CCDC85A: variants seen among roughly 807,000 people sequenced by gnomAD.
CCDC85A encodes the protein coiled-coil domain-containing protein 85A.
CCDC85A carries 38 observed loss-of-function variants against 50.2 expected under a neutral mutation model. The ratio of observed to expected loss-of-function variants is 0.76; its 90% CI spans 0.58 to 0.99. The LOEUF (loss-of-function observed/expected upper bound fraction) is 0.99. Among genes scored for constraint, CCDC85A ranks in the 50% least tolerant of loss-of-function variants. CCDC85A has a pLI of 0.00. For synonymous variants in CCDC85A, 366 were observed against 301.4 expected, an observed-to-expected ratio of 1.21 and a Z score of -2.22; for missense variants, 820 against 742.0, an observed-to-expected ratio of 1.11 and a Z score of -1.22.
chr2:56,284,941 C>T (rs367876125), intron 2 of CCDC85A, among the ~76,000 whole-genome samples: 9 of 152,124 alleles, frequency 5.9e-5, no homozygotes, highest in African/African-American at 2.2e-4. Context: ...AGATTATTTG[C>T]ATGGTATATA....
chr2:56,280,622 A>G (rs1332832928), intron 2 of CCDC85A, among the ~76,000 whole-genome samples: 1 of 152,142 alleles, frequency 6.6e-6, no homozygotes, highest in Non-Finnish European at 1.5e-5. Flanking sequence ...AAGCATACCA[A>G]CTAATACGAC....
At chr2:56,295,805 C>T (rs1671922085) in intron 2 of CCDC85A, among the ~76,000 whole-genome samples, 1 of 152,138 alleles carries the variant, frequency 6.6e-6, no homozygotes, top group Admixed American at 6.6e-5. Flanking sequence ...TCCCTCCCTC[C>T]CCTATCATAA....
chr2:56,332,512 C>T (rs926444439), intron 2 of CCDC85A, among the ~76,000 whole-genome samples: 3 of 152,160 alleles, frequency 2.0e-5, no homozygotes, highest in South Asian at 2.1e-4. Flanking sequence ...CTTAAGGGCT[C>T]CGTCTCTTAA....
intron 2 of CCDC85A, among the ~76,000 whole-genome samples, chr2:56,232,309 A>G (rs1668807536): frequency 6.6e-6 from 1 of 152,104 alleles, no homozygotes; most frequent in African/African-American, 2.4e-5. Flanking sequence ...GAGACTGCTG[A>G]TATTAGAAAA....
In CCDC85A at chr2:56,370,689, G is replaced by A. The variant is rs550418922; in HGVS notation, c.1318-1655G>A. Among the ~76,000 whole-genome samples, 22 of 152,150 alleles carry A rather than the reference G, an allele frequency of 1.4e-4. No individual in the cohort carries two copies. The South Asian group carries it at 3.7e-3, about 26-fold the overall frequency. On this transcript the variant is annotated intron_variant, in intron 3 of 5. Coordinates refer to ENST00000407595, the MANE Select transcript of CCDC85A (RefSeq NM_001080433.2). ...GTTCTCTACATAGTAGCTAAATGGC[G>A]CTCATGCCAGCTGGCTTCTAAGTTG... is the stretch of plus-strand genomic sequence containing the variant.
chr2:56,296,624 G>A (rs72927178), intron 2 of CCDC85A, among the ~76,000 whole-genome samples: 3,197 of 152,178 alleles, frequency 0.021, 95 homozygotes, highest in African/African-American at 0.072. Flanking sequence ...GCTTTTGTCA[G>A]GATTCTGGCC....
chr2:56,293,107 G>T (rs1671791514), intron 2 of CCDC85A, among the ~76,000 whole-genome samples: 1 of 152,182 alleles, frequency 6.6e-6, no homozygotes, highest in African/African-American at 2.4e-5. Context: ...GTACTGGCTG[G>T]CAGCTTTGAT....
At chr2:56,242,985 G>A (rs1246829606) in intron 2 of CCDC85A, among the ~76,000 whole-genome samples, 1 of 151,890 alleles carries the variant, frequency 6.6e-6, no homozygotes, top group Non-Finnish European at 1.5e-5. Flanking sequence ...TGGATATCCA[G>A]GTTTCCCAGC....
intron 1 of CCDC85A, among the ~76,000 whole-genome samples, chr2:56,189,781 A>G (rs778270533): frequency 6.6e-6 from 1 of 152,038 alleles, no homozygotes; most frequent in African/African-American, 2.4e-5. Context: ...TGCCATCTTT[A>G]TGTCATGAAT....
intron 2 of CCDC85A, among the ~76,000 whole-genome samples, chr2:56,332,030 C>G (rs548464603): frequency 2.3e-4 from 35 of 152,314 alleles, no homozygotes; most frequent in African/African-American, 7.9e-4. Flanking sequence ...CACAGCTGTG[C>G]CTGCTCCTGC....
chr2:56,281,698 G>A (rs999508033), intron 2 of CCDC85A, among the ~76,000 whole-genome samples: 6 of 152,062 alleles, frequency 3.9e-5, no homozygotes, highest in Non-Finnish European at 7.4e-5. Context: ...GCCATTTGTG[G>A]TCTTTTTTAG....
intron 2 of CCDC85A, among the ~76,000 whole-genome samples, chr2:56,213,669 A>G (rs1352429122): frequency 6.6e-6 from 1 of 151,904 alleles, no homozygotes; most frequent in East Asian, 1.9e-4. Flanking sequence ...TTTTATTATT[A>G]TGCACTCTAG....
intron 2 of CCDC85A, among the ~76,000 whole-genome samples, chr2:56,244,883 G>A (rs892461546): frequency 5.3e-5 from 8 of 152,034 alleles, no homozygotes; most frequent in African/African-American, 1.9e-4. Context: ...GGCCTGGAAT[G>A]GGGGCCTCAC....
chr2:56,275,609 C>G (rs1226863839), intron 2 of CCDC85A, among the ~76,000 whole-genome samples: 1 of 152,166 alleles, frequency 6.6e-6, no homozygotes, highest in Non-Finnish European at 1.5e-5. Context: ...TAGGACAGAG[C>G]TTTCTACTAT....
At chr2:56,277,750 C>T (rs549863928) in intron 2 of CCDC85A, among the ~76,000 whole-genome samples, 5 of 152,356 alleles carry the variant, frequency 3.3e-5, no homozygotes, top group African/African-American at 7.2e-5. Context: ...AGCCCTTAGG[C>T]GCAGAGTCTC....
At chr2:56,213,769 T>C (rs1431796942) in intron 2 of CCDC85A, among the ~76,000 whole-genome samples, 2 of 152,018 alleles carry the variant, frequency 1.3e-5, no homozygotes, top group African/African-American at 4.8e-5. Flanking sequence ...TTTAAGTGAT[T>C]TTCTTTTCTC....
intron 2 of CCDC85A, among the ~76,000 whole-genome samples, chr2:56,312,898 T>A (rs118097467): frequency 6.6e-6 from 1 of 152,216 alleles, no homozygotes; most frequent in African/African-American, 2.4e-5. Context: ...ATATCAAGGA[T>A]AGACTTGTTA....
chr2:56,297,958 A>G (rs923325152), intron 2 of CCDC85A, among the ~76,000 whole-genome samples: 1 of 152,182 alleles, frequency 6.6e-6, no homozygotes, highest in Non-Finnish European at 1.5e-5. Context: ...TCTGCCATCA[A>G]CAACATATTC....
intron 1 of CCDC85A, among the ~76,000 whole-genome samples, chr2:56,190,929 C>CAT (rs1394110755): frequency 6.6e-6 from 1 of 152,218 alleles, no homozygotes; most frequent in Non-Finnish European, 1.5e-5. Flanking sequence ...AGCTCCCTAA[C>CAT]AACCCAAAGC....
Sources: gnomAD v4.1 joint callset for allele counts (sites outside exome capture counted in the v4.1 genomes callset) on GRCh38, gnomAD v4.1.1 for gene constraint, MANE v1.5 for transcripts, NCBI Gene and HGNC (gene_info 2026-07-23, HGNC 2026-07-21) for gene names.